The following NRG2 variants were observed in gnomAD, a reference collection of about 807,000 sequenced individuals.
NRG2 encodes the protein pro-neuregulin-2, membrane-bound isoform.
NRG2 carries 27 observed loss-of-function variants against 73.9 expected under a neutral mutation model. That is an observed-to-expected ratio of 0.37 (90% CI 0.27 to 0.50). NRG2 has a LOEUF of 0.50. NRG2 is among the 20% of genes least tolerant of loss of function. The probability of loss-of-function intolerance (pLI) is 0.96; values close to 1 mark genes in which losing one functional copy is unlikely to be tolerated. For missense variants in NRG2, 1,126 were observed against 1,210.1 expected (o/e 0.93, Z 1.03); for synonymous variants, 532 against 541.0 (o/e 0.98, Z 0.23).
intron 1 of NRG2, among the ~76,000 whole-genome samples, chr5:140,037,712 A>T (rs1009820533): frequency 1.3e-5 from 2 of 152,040 alleles, no homozygotes; most frequent in Admixed American, 6.5e-5. Context: ...GTTCGAGGCC[A>T]GCCAGGCCAA....
At chr5:139,903,246 T>C (rs1276875937) in intron 1 of NRG2, among the ~76,000 whole-genome samples, 1 of 152,194 alleles carries the variant, frequency 6.6e-6, no homozygotes, top group Admixed American at 6.5e-5. Context: ...CTGAGAATGC[T>C]ACTTTGAAGC....
At chr5:139,940,843 A>T (rs868204149) in intron 1 of NRG2, among the ~76,000 whole-genome samples, 30 of 151,394 alleles carry the variant, frequency 2.0e-4, no homozygotes, top group Middle Eastern at 3.4e-3. Context: ...ATGTACATTT[A>T]AAAAAAAAGA....
At chr5:139,913,257 A>G (rs2127199977) in intron 1 of NRG2, among the ~76,000 whole-genome samples, 1 of 152,038 alleles carries the variant, frequency 6.6e-6, no homozygotes, top group East Asian at 1.9e-4. Context: ...GTGAATCTGC[A>G]CTCACCCCTG....
rs1038638925 is a variant in NRG2 at position 139,887,265 on chromosome 5, C to G, written c.872+75G>C. Reference sequence around the variant, plus strand: ...TCTGGGGGCACAGCCCTGGCCTCTGCCCAGTTCAGGCCACTCCTTCTCGAG... The same window carrying G: ...TCTGGGGGCACAGCCCTGGCCTCTGGCCAGTTCAGGCCACTCCTTCTCGAG... On this transcript the variant is annotated intron_variant, in intron 2 of 9. Coordinates refer to ENST00000361474, the MANE Select transcript of NRG2 (RefSeq NM_004883.3). The surrounding 1 kb of genome is among the most constrained non-coding windows in gnomAD (Gnocchi z 4.5). 94 of 1,552,384 alleles carry G rather than the reference C, an allele frequency of 6.1e-5. 1 individual carries two copies. The highest frequency in any genetic ancestry group is 1.4e-5 in the African/African-American group (1 of 74,042).
At chr5:139,877,111 G>A (rs1052434270) in intron 3 of NRG2, among the ~76,000 whole-genome samples, 16 of 152,150 alleles carry the variant, frequency 1.1e-4, no homozygotes, top group African/African-American at 3.6e-4. Flanking sequence ...GCCACCTCAG[G>A]ACATTCCCAA....
intron 1 of NRG2, among the ~76,000 whole-genome samples, chr5:140,014,669 A>T (rs989667982): frequency 6.6e-6 from 1 of 152,158 alleles, no homozygotes; most frequent in Non-Finnish European, 1.5e-5. Context: ...ACTACAATAC[A>T]CCAAGCCACC....
At chr5:139,917,692 G>T (rs1196726033) in intron 1 of NRG2, among the ~76,000 whole-genome samples, 2 of 152,056 alleles carry the variant, frequency 1.3e-5, no homozygotes, top group African/African-American at 4.8e-5. Flanking sequence ...TTTTATTGAG[G>T]TATAATTGAC....
chr5:139,989,528 C>T (rs894926211), intron 1 of NRG2, among the ~76,000 whole-genome samples: 1 of 151,894 alleles, frequency 6.6e-6, no homozygotes, highest in Non-Finnish European at 1.5e-5. Flanking sequence ...AGTGTTATTG[C>T]ATCTATAAGA....
chr5:139,864,657 C>T (rs1186938778), intron 5 of NRG2, among the ~76,000 whole-genome samples: 1 of 152,038 alleles, frequency 6.6e-6, no homozygotes, highest in Admixed American at 6.5e-5. Context: ...ATTCCCCTTC[C>T]TTCCCTCTAC....
chr5:139,987,561 A>G (rs770889513), intron 1 of NRG2, among the ~76,000 whole-genome samples: 3 of 151,994 alleles, frequency 2.0e-5, no homozygotes, highest in Admixed American at 1.3e-4. Context: ...GGAGAAATTC[A>G]CTAGACAGAT....
chr5:139,921,779 T>C (rs962374679), intron 1 of NRG2, among the ~76,000 whole-genome samples: 1 of 152,158 alleles, frequency 6.6e-6, no homozygotes, highest in Admixed American at 6.5e-5. Flanking sequence ...ATTAAAAACT[T>C]GGCCAGGCGT....
intron 1 of NRG2, among the ~76,000 whole-genome samples, chr5:139,986,404 C>A (rs1482885515): frequency 6.6e-6 from 1 of 152,158 alleles, no homozygotes; most frequent in Admixed American, 6.5e-5. Context: ...TTATAAAGCA[C>A]ACATACACAC....
Position 139,964,917 on chromosome 5 carries a change from G to A in NRG2, c.701-77406C>T, listed in dbSNP as rs549686604. Among the ~76,000 whole-genome samples the A allele has an allele frequency of 4.3e-4, 65 of 152,362 alleles. No individual in the cohort carries two copies. The South Asian group carries it at 0.013, about 30-fold the overall frequency. On this transcript the variant is annotated intron_variant, in intron 1 of 9. Transcript: ENST00000361474. The stretch of plus-strand genomic sequence containing the variant: ...TCAGGAGATGCCACTGTGTCACCCT[G>A]GAGAGGAGAGTGGAGTTTTTGGCCT...
intron 2 of NRG2, among the ~76,000 whole-genome samples, chr5:139,884,893 TAAG>T (rs1763764193): frequency 6.6e-6 from 1 of 151,698 alleles, no homozygotes; most frequent in Non-Finnish European, 1.5e-5. Context: ...GGAGGCCAGA[TAAG>T]AAATGTGCAG....
At chr5:140,040,842 A>G (rs574824530) in intron 1 of NRG2, among the ~76,000 whole-genome samples, 2 of 152,316 alleles carry the variant, frequency 1.3e-5, no homozygotes, top group South Asian at 4.1e-4. Context: ...ACATTTCAGA[A>G]CATAAAACCA....
chr5:139,888,968 C>A (rs1165192442), intron 1 of NRG2, among the ~76,000 whole-genome samples: 1 of 152,126 alleles, frequency 6.6e-6, no homozygotes, highest in East Asian at 1.9e-4. Context: ...GTGCCAGGCT[C>A]TATGTATTCT....
At position 139,869,654 on chromosome 5, in the gene NRG2, G is replaced by A. The variant is rs1208003069; in HGVS notation, c.1112+2067C>T. The A allele has an allele frequency of 6.6e-6, 1 of 152,340 alleles. No homozygotes were observed. The highest frequency in any genetic ancestry group is 1.5e-5 in the Non-Finnish European group (1 of 68,152). The allele number at this position is 152,340 out of a possible 1,614,324, so 9.4% of individuals were successfully genotyped here. ...TTCCAGGAACCTTGGCTGGAACCAG[G>A]GGAGGCTGAGATGGGGAAGTGGTGG... On this transcript the variant is annotated intron_variant, in intron 4 of 9. Transcript: ENST00000361474. This position sits in a 1 kb window ranked among gnomAD's most constrained non-coding sequence, Gnocchi z 4.5.
chr5:139,898,188 G>A (rs1182583495), intron 1 of NRG2, among the ~76,000 whole-genome samples: 1 of 152,256 alleles, frequency 6.6e-6, no homozygotes, highest in Non-Finnish European at 1.5e-5. Context: ...TGGACCTGAA[G>A]GATGAGCAAG....
intron 1 of NRG2, among the ~76,000 whole-genome samples, chr5:139,956,533 G>A (rs534155630): frequency 5.3e-5 from 8 of 152,244 alleles, no homozygotes; most frequent in Non-Finnish European, 7.4e-5. Context: ...CAGGCTTCTC[G>A]AAGGCTTGGG....
Sources: allele counts gnomAD v4.1 joint callset (sites outside exome capture counted in the v4.1 genomes callset), GRCh38; gene constraint gnomAD v4.1.1; non-coding constraint Gnocchi (gnomAD v3.1); transcripts MANE v1.5; gene names NCBI Gene and HGNC (gene_info 2026-07-23, HGNC 2026-07-21).